Variants in LRFN5 observed in about 807,000 individuals in gnomAD.
LRFN5 encodes the protein leucine-rich repeat and fibronectin type-III domain-containing protein 5.
In LRFN5, 24 loss-of-function variants were observed where a neutral mutation model predicts 45.6. That is an observed-to-expected ratio of 0.53 (90% CI 0.38 to 0.74). The LOEUF is 0.74. Among genes scored for constraint, LRFN5 ranks in the 30% least tolerant of loss-of-function variants. LRFN5 has a pLI of 0.00. For synonymous variants in LRFN5, 340 were observed against 313.8 expected (o/e 1.08, Z -0.88); for missense variants, 776 against 861.5 (o/e 0.90, Z 1.24).
chr14:41,608,183 G>A lies in LRFN5; in HGVS notation c.-576G>A. On this transcript the variant is annotated 5_prime_UTR_variant, in exon 1 of 6. In the 5' UTR this introduces an upstream ATG that the reference lacks. Transcript: ENST00000298119. ...GTTCCCTCCGTGCTGCTTCCTCCCC[G>A]TGCAGTGCTGGGTGTGCGTGTGCGA... 6.5e-6 allele frequency: 1 copy of A among 153,142 alleles called. No individual in the cohort carries two copies. The highest frequency in any genetic ancestry group is 1.5e-5 in the Non-Finnish European group (1 of 68,576). 9.5% of individuals were successfully genotyped at this position (153,142 alleles called of 1,614,324 possible).
At chr14:41,678,452 G>T (rs565847840) in intron 1 of LRFN5, among the ~76,000 whole-genome samples, 1 of 151,908 alleles carries the variant, frequency 6.6e-6, no homozygotes, top group South Asian at 2.1e-4. Flanking sequence ...TAATAGTTGG[G>T]GATTTCAATA....
intron 2 of LRFN5, among the ~76,000 whole-genome samples, chr14:41,838,116 A>G (rs898988106): frequency 1.3e-5 from 2 of 150,974 alleles, no homozygotes; most frequent in African/African-American, 5.0e-5. Flanking sequence ...TCAATGTAAT[A>G]CTATTTTTTA....
At chr14:41,641,822 T>C (rs1879593809) in intron 1 of LRFN5, among the ~76,000 whole-genome samples, 1 of 152,138 alleles carries the variant, frequency 6.6e-6, no homozygotes, top group South Asian at 2.1e-4. Context: ...TTTATTATAG[T>C]CACACAAATC....
intron 2 of LRFN5, among the ~76,000 whole-genome samples, chr14:41,799,399 C>T (rs1028950879): frequency 6.6e-6 from 1 of 151,930 alleles, no homozygotes; most frequent in Non-Finnish European, 1.5e-5. Context: ...CACTGCTGAT[C>T]CAAATACAAA....
intron 4 of LRFN5, chr14:41,892,356 A>T (rs1032037127): frequency 3.0e-6 from 3 of 984,656 alleles, no homozygotes; most frequent in Admixed American, 6.2e-5. Context: ...GGAAGGAAAC[A>T]TAAATAAAAT....
At chr14:41,820,974 CTTAA>C (rs1023378074) in intron 2 of LRFN5, among the ~76,000 whole-genome samples, 30 of 151,878 alleles carry the variant, frequency 2.0e-4, no homozygotes, top group African/African-American at 6.8e-4. Flanking sequence ...CATTATAGAA[CTTAA>C]TTAAGTCAAT....
At chr14:41,717,860 G>T (rs1232139536) in intron 1 of LRFN5, among the ~76,000 whole-genome samples, 1 of 152,098 alleles carries the variant, frequency 6.6e-6, no homozygotes, top group Non-Finnish European at 1.5e-5. Flanking sequence ...ATTTATTTTA[G>T]AAAAGGGTGG....
At chr14:41,888,156 T>A in intron 3 of LRFN5, 146 bp downstream of exon 3, 1 of 628,106 alleles carries the variant, frequency 1.6e-6, no homozygotes, top group Non-Finnish European at 2.7e-6. Flanking sequence ...TTGAAAAAGG[T>A]GGTAATACAA....
chr14:41,740,688 G>A (rs1398836349), intron 1 of LRFN5, among the ~76,000 whole-genome samples: 1 of 151,692 alleles, frequency 6.6e-6, no homozygotes, highest in African/African-American at 2.4e-5. Context: ...TTATAGTATT[G>A]GAAGTCCTAG....
At chr14:41,764,602 G>C (rs1050769549) in intron 1 of LRFN5, among the ~76,000 whole-genome samples, 1 of 152,004 alleles carries the variant, frequency 6.6e-6, no homozygotes, top group Non-Finnish European at 1.5e-5. Context: ...ATGATATTTT[G>C]AGGCCTTTAT....
At chr14:41,815,216 GCT>G in intron 2 of LRFN5, among the ~76,000 whole-genome samples, 1 of 152,154 alleles carries the variant, frequency 6.6e-6, no homozygotes. Context: ...CAAAACAGAT[GCT>G]CTGTTTTCAG....
chr14:41,871,101 A>C (rs1035963075), intron 2 of LRFN5, among the ~76,000 whole-genome samples: 3 of 152,164 alleles, frequency 2.0e-5, no homozygotes, highest in Non-Finnish European at 4.4e-5. Flanking sequence ...ACTAGAAAAA[A>C]ATGAGAAATG....
intron 1 of LRFN5, among the ~76,000 whole-genome samples, chr14:41,692,167 T>C (rs867263758): frequency 9.2e-5 from 14 of 152,174 alleles, no homozygotes; most frequent in Admixed American, 2.0e-4. Context: ...TTTTTCAAAG[T>C]ACTTGTGCCA....
intron 1 of LRFN5, among the ~76,000 whole-genome samples, chr14:41,735,525 G>GC (rs970630519): frequency 1.3e-4 from 20 of 152,178 alleles, no homozygotes; most frequent in African/African-American, 1.4e-4. Flanking sequence ...TTCTGCGTCA[G>GC]CCCCCCCACG....
intron 4 of LRFN5, chr14:41,894,686 CA>C (rs1890884292): frequency 1.0e-6 from 1 of 985,058 alleles, no homozygotes; most frequent in African/African-American, 1.7e-5. Context: ...TATTACCTAT[CA>C]TGATGTCTGA....
At position 41,608,399 on chromosome 14, in the gene LRFN5, C is replaced by A. The variant is rs1241362949; in HGVS notation, c.-360C>A. The A allele has an allele frequency of 2.0e-5, 3 of 152,646 alleles. No homozygotes were observed. The highest frequency in any genetic ancestry group is 4.4e-5 in the Non-Finnish European group (3 of 68,078). The allele number at this position is 152,646 out of a possible 1,614,324, so 9.5% of individuals were successfully genotyped here. ...CAGCGGCGGCAGTGGCAGGAGCCGC[C>A]TTTCCGATTCCCTACGATGCGGGTG... is the stretch of plus-strand genomic sequence containing the variant. On this transcript the variant is annotated 5_prime_UTR_variant, in exon 1 of 6. Coordinates refer to ENST00000298119, the MANE Select transcript of LRFN5 (RefSeq NM_152447.5).
intron 1 of LRFN5, among the ~76,000 whole-genome samples, chr14:41,754,939 T>C (rs1885306562): frequency 6.6e-6 from 1 of 152,260 alleles, no homozygotes; most frequent in South Asian, 2.1e-4. Flanking sequence ...GCTTTGAATG[T>C]GTCCCAGAGA....
At chr14:41,670,193 TATAC>T (rs1881111348) in intron 1 of LRFN5, among the ~76,000 whole-genome samples, 2 of 120,832 alleles carry the variant, frequency 1.7e-5, no homozygotes, top group African/African-American at 6.7e-5. Flanking sequence ...TCTATATATA[TATAC>T]ATTCTCTGTG....
chr14:41,641,024 G>A (rs1879550375), intron 1 of LRFN5, among the ~76,000 whole-genome samples: 1 of 151,984 alleles, frequency 6.6e-6, no homozygotes, highest in Non-Finnish European at 1.5e-5. Flanking sequence ...AAATCTTGAT[G>A]TTTTTCAAAG....
Sources: allele counts gnomAD v4.1 joint callset (sites outside exome capture counted in the v4.1 genomes callset), GRCh38; gene constraint gnomAD v4.1.1; transcripts MANE v1.5; gene names NCBI Gene and HGNC (gene_info 2026-07-23, HGNC 2026-07-21).